Variants in SOX5 observed in about 807,000 individuals in gnomAD.
The protein encoded by SOX5 is transcription factor SOX-5.
In SOX5, 9 loss-of-function variants were observed where a neutral mutation model predicts 92.0. That is an observed-to-expected ratio of 0.10 (90% CI 0.06 to 0.17). SOX5 has a LOEUF of 0.17. SOX5 is among the 10% of genes least tolerant of loss of function. The probability of loss-of-function intolerance (pLI) is 1.00; values close to 1 mark genes in which losing one functional copy is unlikely to be tolerated. For synonymous variants in SOX5, 344 were observed against 336.3 expected, an observed-to-expected ratio of 1.02 and a Z score of -0.25; for missense variants, 642 against 944.5, an observed-to-expected ratio of 0.68 and a Z score of 4.20.
At chr12:23,558,526 CT>C (rs1565804850) in intron 11 of SOX5, among the ~76,000 whole-genome samples, 1 of 152,212 alleles carries the variant, frequency 6.6e-6, no homozygotes, top group African/African-American at 2.4e-5. Context: ...CAGATTTCAA[CT>C]CTGATATCAA....
intron 1 of SOX5, among the ~76,000 whole-genome samples, chr12:23,933,870 T>C (rs938160765): frequency 6.6e-6 from 1 of 151,586 alleles, no homozygotes; most frequent in East Asian, 1.9e-4. Context: ...CAAGAACTGA[T>C]TGTTCCTCAT....
intron 4 of SOX5, among the ~76,000 whole-genome samples, chr12:24,144,212 T>C (rs1362912291): frequency 6.6e-6 from 1 of 152,032 alleles, no homozygotes; most frequent in Admixed American, 6.6e-5. Flanking sequence ...ACTGACAACC[T>C]TGGAAAAGTT....
intron 1 of SOX5, among the ~76,000 whole-genome samples, chr12:24,373,072 C>A (rs545722481): frequency 6.6e-6 from 1 of 151,170 alleles, no homozygotes; most frequent in South Asian, 2.1e-4. Context: ...GAGCCGAGAA[C>A]GCACCACTGC....
chr12:23,951,148 T>C (rs1368142309), upstream of SOX5: 3 of 433,198 alleles, frequency 6.9e-6, no homozygotes, highest in African/African-American at 3.9e-5. Flanking sequence ...AGATTTTCTG[T>C]GGAGAATTCC....
At chr12:24,251,479 A>G (rs1594807912) in intron 3 of SOX5, among the ~76,000 whole-genome samples, 1 of 152,074 alleles carries the variant, frequency 6.6e-6, no homozygotes, top group East Asian at 1.9e-4. Context: ...CAGACAGTCT[A>G]TATTATAGCC....
intron 4 of SOX5, among the ~76,000 whole-genome samples, chr12:24,158,701 G>A (rs1952447242): frequency 6.6e-6 from 1 of 151,840 alleles, no homozygotes; most frequent in African/African-American, 2.4e-5. Context: ...TATTCTTTGA[G>A]ATACACCTCA....
chr12:23,913,365 T>A (rs932979724), intron 1 of SOX5, among the ~76,000 whole-genome samples: 6 of 152,270 alleles, frequency 3.9e-5, no homozygotes, highest in African/African-American at 7.2e-5. Context: ...AAGTTCTTTT[T>A]TTTTTAGCTC....
intron 4 of SOX5, among the ~76,000 whole-genome samples, chr12:24,072,000 C>T (rs1020721880): frequency 2.0e-5 from 3 of 152,142 alleles, no homozygotes; most frequent in Admixed American, 2.0e-4. Context: ...GTAACCTGTT[C>T]AAGGGAACAT....
chr12:24,484,045 T>G (rs1323616752), intron 1 of SOX5, among the ~76,000 whole-genome samples: 1 of 152,192 alleles, frequency 6.6e-6, no homozygotes, highest in Non-Finnish European at 1.5e-5. Context: ...TTTGCAACGT[T>G]TATATTATTG....
At chr12:23,540,361 T>TATAATAATAATA (rs5797023) in intron 13 of SOX5, among the ~76,000 whole-genome samples, 38 of 142,796 alleles carry the variant, frequency 2.7e-4, no homozygotes, top group East Asian at 1.6e-3. Flanking sequence ...AAACTTAAAG[T>TATAATAATAATA]ATAATAATAA....
At chr12:24,346,344 A>T (rs913872602) in intron 2 of SOX5, among the ~76,000 whole-genome samples, 1 of 152,226 alleles carries the variant, frequency 6.6e-6, no homozygotes, top group African/African-American at 2.4e-5. Context: ...ATTTCCAAAC[A>T]TATATGAAAT....
chr12:24,481,308 G>A (rs187821155), intron 1 of SOX5, among the ~76,000 whole-genome samples: 8 of 152,156 alleles, frequency 5.3e-5, no homozygotes, highest in African/African-American at 1.9e-4. Context: ...TGGTTAATGG[G>A]TACAAGGAAA....
At chr12:23,907,415 T>C (rs1274711487) in intron 1 of SOX5, among the ~76,000 whole-genome samples, 1 of 152,146 alleles carries the variant, frequency 6.6e-6, no homozygotes, top group Non-Finnish European at 1.5e-5. Context: ...TTCAATAATA[T>C]ATAATTCAAA....
At chr12:23,922,367 T>C (rs1266452556) in intron 1 of SOX5, among the ~76,000 whole-genome samples, 2 of 152,246 alleles carry the variant, frequency 1.3e-5, no homozygotes, top group African/African-American at 2.4e-5. Context: ...AAAAACATCA[T>C]ATTTGAAATT....
intron 1 of SOX5, among the ~76,000 whole-genome samples, chr12:24,518,280 G>T (rs1255108091): frequency 6.6e-6 from 1 of 151,916 alleles, no homozygotes; most frequent in East Asian, 1.9e-4. Context: ...TGTTGGCCAG[G>T]CTGGTCTCAA....
At chr12:24,072,898 T>A (rs1482228182) in intron 4 of SOX5, among the ~76,000 whole-genome samples, 1 of 151,984 alleles carries the variant, frequency 6.6e-6, no homozygotes, top group Non-Finnish European at 1.5e-5. Flanking sequence ...CACATAAAAT[T>A]TTTTTTTAAA....
At chr12:23,756,084 C>T (rs1377065638) in intron 3 of SOX5, among the ~76,000 whole-genome samples, 2 of 151,476 alleles carry the variant, frequency 1.3e-5, no homozygotes, top group African/African-American at 4.8e-5. Flanking sequence ...TGATAAAATG[C>T]GGAGTAAAAA....
intron 2 of SOX5, among the ~76,000 whole-genome samples, chr12:24,338,206 C>A (rs1052145411): frequency 1.3e-5 from 2 of 151,930 alleles, no homozygotes; most frequent in African/African-American, 4.8e-5. Context: ...TATTTTATAG[C>A]TATCATAAAT....
chr12:24,519,507 G>C (rs1950081010), intron 1 of SOX5, among the ~76,000 whole-genome samples: 1 of 152,074 alleles, frequency 6.6e-6, no homozygotes, highest in Non-Finnish European at 1.5e-5. Context: ...CTAAAGATGA[G>C]TATACCATTC....
Sources: gnomAD v4.1 joint callset for allele counts (sites outside exome capture counted in the v4.1 genomes callset) on GRCh38, gnomAD v4.1.1 for gene constraint, MANE v1.5 for transcripts, NCBI Gene and HGNC (gene_info 2026-07-23, HGNC 2026-07-21) for gene names.